Variants in SDHB observed in about 807,000 individuals in gnomAD.
The protein encoded by SDHB is succinate dehydrogenase [ubiquinone] iron-sulfur subunit, mitochondrial.
In SDHB, 21 loss-of-function variants were observed where a neutral mutation model predicts 39.7. The observed-to-expected ratio is 0.53, with a 90% confidence interval of 0.37 to 0.76. The LOEUF is 0.76. Ranked by LOEUF, SDHB falls within the 30% of genes least tolerant of loss-of-function variation. SDHB has a pLI of 0.00. For missense variants in SDHB, 343 were observed against 350.9 expected, an observed-to-expected ratio of 0.98 and a Z score of 0.18; for synonymous variants, 118 against 117.0, an observed-to-expected ratio of 1.01 and a Z score of -0.06.
At chr1:17,052,008 A>AT (rs886917497) in intron 1 of SDHB, among the ~76,000 whole-genome samples, 5 of 133,940 alleles carry the variant, frequency 3.7e-5, no homozygotes, top group East Asian at 4.2e-4. Flanking sequence ...CGCCCAGCTA[A>AT]TTTTTTTTTT....
At chr1:17,053,418 G>A (rs2078159366) in intron 1 of SDHB, among the ~76,000 whole-genome samples, 1 of 152,060 alleles carries the variant, frequency 6.6e-6, no homozygotes. Context: ...CGAGGTAGGG[G>A]GCTGGGTGCA....
chr1:17,027,835 A>G lies in SDHB; in HGVS notation c.454T>C (p.Ser152Pro), dbSNP rs886045584. The change falls in exon 5 of 8, where the codon TCC becomes CCC. Residue 152 changes from serine to proline, a missense_variant. Transcript: ENST00000375499. Reference sequence around the variant, plus strand: ...TTCTTCTTCAAATAAGGCTCAATGGATTTGTACTGTGCATAGAAGTTGCTC... The same window carrying G: ...TTCTTCTTCAAATAAGGCTCAATGGGTTTGTACTGTGCATAGAAGTTGCTC... ...DLSNFYAQYKSIEPYLKKKDE... is the reference protein window; with the variant it reads ...DLSNFYAQYKPIEPYLKKKDE... 1 of 1,612,158 alleles carries G rather than the reference A, an allele frequency of 6.2e-7. No individual in the cohort carries two copies.
chr1:17,038,680 C>T, intron 2 of SDHB, among the ~76,000 whole-genome samples: 1 of 152,176 alleles, frequency 6.6e-6, no homozygotes, highest in Non-Finnish European at 1.5e-5. Context: ...ATAAAGTATG[C>T]TATTAGCTGT....
At chr1:17,023,881 C>T in intron 6 of SDHB, 92 bp downstream of exon 6, 1 of 942,882 alleles carries the variant, frequency 1.1e-6, no homozygotes, top group Non-Finnish European at 1.7e-6. Context: ...CCAGGCCCCT[C>T]AGAATGGCTG....
intron 2 of SDHB, among the ~76,000 whole-genome samples, chr1:17,036,601 T>C (rs2078051250): frequency 1.3e-5 from 2 of 151,314 alleles, no homozygotes; most frequent in South Asian, 4.1e-4. Flanking sequence ...TGTTCATTGC[T>C]AGTGTATAGA....
At chr1:17,045,229 CA>C (rs1297035370) in intron 1 of SDHB, 1 of 320,796 alleles carries the variant, frequency 3.1e-6, no homozygotes, top group Non-Finnish European at 6.0e-6. Context: ...TGGATGAATA[CA>C]GCAGAGACTT....
chr1:17,049,644 G>GTTT (rs1570960889), intron 1 of SDHB, among the ~76,000 whole-genome samples: 2 of 45,930 alleles, frequency 4.4e-5, no homozygotes, highest in Admixed American at 3.4e-4. Context: ...TAATCCCCTA[G>GTTT]TTCTTTTTTT....
chr1:17,044,947 A>G, intron 1 of SDHB, 59 bp from the exon 2 acceptor site: 1 of 1,490,080 alleles, frequency 6.7e-7, no homozygotes, highest in Non-Finnish European at 9.2e-7. Context: ...AGATAATTCC[A>G]TTTTGCTGGC....
At chr1:17,032,190 G>T (rs958743910) in intron 3 of SDHB, among the ~76,000 whole-genome samples, 1 of 151,224 alleles carries the variant, frequency 6.6e-6, no homozygotes, top group Non-Finnish European at 1.5e-5. Flanking sequence ...ACCATCATTA[G>T]TAATTATATT....
intron 3 of SDHB, chr1:17,032,704 A>T: frequency 2.9e-6 from 1 of 349,772 alleles, no homozygotes; most frequent in Admixed American, 4.2e-5. Flanking sequence ...CTGGACAAGC[A>T]TAAGTGCCAG....
intron 1 of SDHB, among the ~76,000 whole-genome samples, chr1:17,051,061 C>T (rs2295057): frequency 0.42 from 64,381 of 152,026 alleles, 15,309 homozygotes; most frequent in Non-Finnish European, 0.54. Flanking sequence ...GTGGTGAAAA[C>T]GCAAACATAA....
intron 7 of SDHB, among the ~76,000 whole-genome samples, chr1:17,021,369 C>T (rs2077961207): frequency 6.6e-6 from 1 of 152,028 alleles, no homozygotes; most frequent in African/African-American, 2.4e-5. Context: ...TTAAGGCCAG[C>T]AGTTCCAGGC....
intron 2 of SDHB, among the ~76,000 whole-genome samples, chr1:17,035,328 A>G (rs1181435034): frequency 6.6e-6 from 1 of 152,042 alleles, no homozygotes; most frequent in Non-Finnish European, 1.5e-5. Flanking sequence ...CTCCCCTAAA[A>G]CTGCAAAAAC....
At chr1:17,026,423 G>A (rs914136912) in intron 5 of SDHB, among the ~76,000 whole-genome samples, 4 of 152,046 alleles carry the variant, frequency 2.6e-5, no homozygotes, top group Admixed American at 2.0e-4. Context: ...GAAGTACAGT[G>A]GCACAACCTT....
At chr1:17,030,172 G>A (rs962848898) in intron 3 of SDHB, among the ~76,000 whole-genome samples, 3 of 152,128 alleles carry the variant, frequency 2.0e-5, no homozygotes, top group East Asian at 1.9e-4. Flanking sequence ...CTGGGTGACA[G>A]AGCAAGATTC....
intron 1 of SDHB, among the ~76,000 whole-genome samples, chr1:17,048,475 T>C (rs1185174847): frequency 6.6e-6 from 1 of 152,156 alleles, no homozygotes; most frequent in African/African-American, 2.4e-5. Context: ...GTGTGAACGT[T>C]ACATCTTCAT....
chr1:17,041,862 T>C (rs1368775852), intron 2 of SDHB, among the ~76,000 whole-genome samples: 1 of 152,032 alleles, frequency 6.6e-6, no homozygotes, highest in Non-Finnish European at 1.5e-5. Context: ...GCTTTCCCCC[T>C]CATTTCCTAG....
At chr1:17,044,286 T>C (rs539429502) in intron 2 of SDHB, among the ~76,000 whole-genome samples, 45 of 152,282 alleles carry the variant, frequency 3.0e-4, no homozygotes, top group African/African-American at 1.1e-3. Context: ...CATTTGGGAA[T>C]TATTTTGGTA....
intron 2 of SDHB, among the ~76,000 whole-genome samples, chr1:17,042,954 G>GTTTT (rs143394198): frequency 0.26 from 16,554 of 62,780 alleles, 4,812 homozygotes; most frequent in Non-Finnish European, 0.33. Context: ...TGTTTTATGA[G>GTTTT]TTTTTTTTTT....
Sources: allele counts gnomAD v4.1 joint callset (sites outside exome capture counted in the v4.1 genomes callset), GRCh38; gene constraint gnomAD v4.1.1; transcripts MANE v1.5; gene names NCBI Gene and HGNC (gene_info 2026-07-23, HGNC 2026-07-21).